Variants in NTM observed in about 807,000 individuals in gnomAD.
The protein encoded by NTM is IgLON family member 2.
In NTM, 13 loss-of-function variants were observed where a neutral mutation model predicts 42.1. That is an observed-to-expected ratio of 0.31 (90% CI 0.20 to 0.49). The LOEUF (loss-of-function observed/expected upper bound fraction) is 0.49. Among genes scored for constraint, NTM ranks in the 20% least tolerant of loss-of-function variants. NTM has a pLI of 0.99. For synonymous variants in NTM, 187 were observed against 179.2 expected, an observed-to-expected ratio of 1.04 and a Z score of -0.35; for missense variants, 373 against 452.8, an observed-to-expected ratio of 0.82 and a Z score of 1.60.
intron 4 of NTM, among the ~76,000 whole-genome samples, chr11:132,266,736 C>T (rs2093203590): frequency 6.6e-6 from 1 of 152,166 alleles, no homozygotes; most frequent in Non-Finnish European, 1.5e-5. Context: ...ATTTAATATG[C>T]TCATAACAGT....
chr11:131,571,220 A>G (rs2057410351), intron 1 of NTM, among the ~76,000 whole-genome samples: 1 of 152,204 alleles, frequency 6.6e-6, no homozygotes, highest in Admixed American at 6.5e-5. Flanking sequence ...ATGCTTTTTT[A>G]TAAATGCTGG....
In NTM at chr11:131,697,798, A is replaced by G. The variant is rs138322984; in HGVS notation, c.83-213766A>G. On this transcript the variant is annotated intron_variant, in intron 1 of 8. Coordinates refer to ENST00000683400, the MANE Select transcript of NTM (RefSeq NM_001352005.2). ...AATTACTTGCCATCCACAGGAGCCTAAGAAGGTGTGGTTTGTGATTTTTCC... is the reference window on the plus strand; with the variant it reads ...AATTACTTGCCATCCACAGGAGCCTGAGAAGGTGTGGTTTGTGATTTTTCC... Among the ~76,000 whole-genome samples, 26 of 152,308 alleles carry G rather than the reference A, an allele frequency of 1.7e-4. 1 individual carries two copies. In the East Asian group the frequency reaches 5.0e-3, roughly 29 times the overall value.
chr11:132,035,150 G>C (rs1445021720), intron 2 of NTM, among the ~76,000 whole-genome samples: 1 of 152,156 alleles, frequency 6.6e-6, no homozygotes, highest in Non-Finnish European at 1.5e-5. Flanking sequence ...TTGATATTCA[G>C]GCTCTCCTAG....
chr11:132,137,833 G>T (rs2068242822), intron 2 of NTM, among the ~76,000 whole-genome samples: 1 of 152,174 alleles, frequency 6.6e-6, no homozygotes, highest in Admixed American at 6.5e-5. Context: ...AGGCCAGAGG[G>T]CAGGGAGCCT....
chr11:132,041,234 AG>A (rs1250608704), intron 2 of NTM, among the ~76,000 whole-genome samples: 1 of 19,920 alleles, frequency 5.0e-5, no homozygotes, highest in East Asian at 5.0e-3. Context: ...AGATAGATAG[AG>A]AGAGAGAGAG....
intron 1 of NTM, among the ~76,000 whole-genome samples, chr11:131,484,234 T>C (rs1282855432): frequency 1.3e-5 from 2 of 152,164 alleles, no homozygotes; most frequent in Non-Finnish European, 2.9e-5. Flanking sequence ...CAGAAATCTT[T>C]TACTGAATTC....
chr11:132,065,136 C>A (rs1167976658), intron 2 of NTM, among the ~76,000 whole-genome samples: 1 of 152,182 alleles, frequency 6.6e-6, no homozygotes, highest in Non-Finnish European at 1.5e-5. Flanking sequence ...CACCAGGAAT[C>A]ATGAAAGCAG....
chr11:132,101,560 G>A (rs1234093990), intron 2 of NTM, among the ~76,000 whole-genome samples: 6 of 90,610 alleles, frequency 6.6e-5, no homozygotes, highest in East Asian at 2.4e-4. Context: ...ACAACCTTGT[G>A]TGTGTGTGTG....
chr11:132,304,527 A>C (rs1010848195), intron 4 of NTM, among the ~76,000 whole-genome samples: 3 of 152,124 alleles, frequency 2.0e-5, no homozygotes, highest in Non-Finnish European at 4.4e-5. Context: ...TTGATTTATT[A>C]ACTCTAGAAA....
intron 1 of NTM, among the ~76,000 whole-genome samples, chr11:131,392,069 C>T (rs991500838): frequency 6.6e-6 from 1 of 152,270 alleles, no homozygotes; most frequent in Non-Finnish European, 1.5e-5. Flanking sequence ...TGTTTTGCCA[C>T]TGCTCTAAAA....
chr11:132,320,904 C>A (rs565935048), intron 7 of NTM, among the ~76,000 whole-genome samples: 9 of 151,484 alleles, frequency 5.9e-5, no homozygotes, highest in East Asian at 5.8e-4. Context: ...AGGCACCCCC[C>A]AGCAGGGCCA....
chr11:131,870,636 T>C (rs1389337445), intron 1 of NTM, among the ~76,000 whole-genome samples: 1 of 152,070 alleles, frequency 6.6e-6, no homozygotes, highest in African/African-American at 2.4e-5. Context: ...GGAATTCTAT[T>C]CCCTTGAATC....
At position 132,069,747 on chromosome 11, in the gene NTM, G is replaced by A. The variant is rs112475346; in HGVS notation, c.168-76535G>A. Among the ~76,000 whole-genome samples, 453 of 149,230 alleles carry A rather than the reference G, an allele frequency of 3.0e-3. 8 individuals carry two copies. The highest frequency in any genetic ancestry group is 0.01 in the African/African-American group (402 of 39,952). ...CTGACCATCACAGGTTAGTTAACACGTCACACAGCCAAGTTAACACGTCAA... is the reference window on the plus strand; with the variant it reads ...CTGACCATCACAGGTTAGTTAACACATCACACAGCCAAGTTAACACGTCAA... On this transcript the variant is annotated intron_variant, in intron 2 of 8. Coordinates refer to ENST00000683400, the MANE Select transcript of NTM (RefSeq NM_001352005.2).
intron 2 of NTM, among the ~76,000 whole-genome samples, chr11:132,114,141 TAAAAG>T (rs1290359047): frequency 1.3e-5 from 2 of 152,320 alleles, no homozygotes; most frequent in East Asian, 3.9e-4. Flanking sequence ...TTTAAAAAAA[TAAAAG>T]AGATGTAAAT....
intron 3 of NTM, among the ~76,000 whole-genome samples, chr11:132,148,484 G>T (rs2071093054): frequency 6.6e-6 from 1 of 151,978 alleles, no homozygotes; most frequent in South Asian, 2.1e-4. Context: ...GTTGAGAAAA[G>T]AATGCCTAGC....
At chr11:131,562,967 G>C (rs372718847) in intron 1 of NTM, among the ~76,000 whole-genome samples, 58 of 152,240 alleles carry the variant, frequency 3.8e-4, no homozygotes, top group African/African-American at 1.0e-3. Context: ...ATGGCCCCAG[G>C]GGGAGAAGAT....
chr11:131,922,564 T>C (rs1309897247), intron 2 of NTM, among the ~76,000 whole-genome samples: 1 of 152,198 alleles, frequency 6.6e-6, no homozygotes, highest in African/African-American at 2.4e-5. Context: ...AATTCACCAC[T>C]AAATTCTGTT....
intron 2 of NTM, among the ~76,000 whole-genome samples, chr11:132,121,553 C>T (rs911178017): frequency 8.5e-5 from 13 of 152,114 alleles, no homozygotes; most frequent in Non-Finnish European, 1.9e-4. Context: ...GGATCCTGTT[C>T]CCAGCTCTAT....
intron 1 of NTM, among the ~76,000 whole-genome samples, chr11:131,542,511 T>C (rs2053409339): frequency 6.6e-6 from 1 of 152,208 alleles, no homozygotes; most frequent in Admixed American, 6.5e-5. Context: ...GGCGACATCT[T>C]GAGGTTTTCT....
Sources: gnomAD v4.1 joint callset for allele counts (sites outside exome capture counted in the v4.1 genomes callset) on GRCh38, gnomAD v4.1.1 for gene constraint, MANE v1.5 for transcripts, NCBI Gene and HGNC (gene_info 2026-07-23, HGNC 2026-07-21) for gene names.